The following HERC1 variants were observed in gnomAD, a reference collection of about 807,000 sequenced individuals.
HERC1 encodes the protein probable E3 ubiquitin-protein ligase HERC1.
A neutral mutation model predicts 554.3 loss-of-function variants in HERC1; 160 were observed. That is an observed-to-expected ratio of 0.29 (90% CI 0.25 to 0.33). The LOEUF is 0.33. HERC1 is among the 10% of genes least tolerant of loss of function. The pLI, the probability that HERC1 is intolerant of heterozygous loss-of-function variation, is 1.00. For synonymous variants in HERC1, 2,175 were observed against 2,131.7 expected, an observed-to-expected ratio of 1.02 and a Z score of -0.56; for missense variants, 4,919 against 5,918.5, an observed-to-expected ratio of 0.83 and a Z score of 5.54.
intron 1 of HERC1, among the ~76,000 whole-genome samples, chr15:63,791,108 C>T (rs571114875): frequency 6.6e-6 from 1 of 152,208 alleles, no homozygotes; most frequent in East Asian, 1.9e-4. Context: ...GTCCTTTCCT[C>T]GGACATACAG....
intron 59 of HERC1, among the ~76,000 whole-genome samples, chr15:63,642,553 G>A (rs971336878): frequency 5.3e-5 from 8 of 152,124 alleles, no homozygotes; most frequent in Admixed American, 3.3e-4. Context: ...GGCCAAGCTG[G>A]TCTTGAACTC....
At chr15:63,634,705 T>G in intron 66 of HERC1, 28 bp downstream of exon 66, 1 of 1,590,140 alleles carries the variant, frequency 6.3e-7, no homozygotes, top group Non-Finnish European at 8.6e-7. Context: ...AATGATCAGC[T>G]AGAATATCTT....
intron 24 of HERC1, among the ~76,000 whole-genome samples, chr15:63,710,668 T>C (rs2073246322): frequency 6.6e-6 from 1 of 152,074 alleles, no homozygotes; most frequent in African/African-American, 2.4e-5. Context: ...GAAGTGACTA[T>C]TTGGAAAAGA....
intron 40 of HERC1, 96 bp from the exon 41 acceptor site, chr15:63,666,568 G>T: frequency 1.3e-6 from 1 of 741,536 alleles, no homozygotes; most frequent in Non-Finnish European, 2.3e-6. Context: ...TATTGTCCAA[G>T]TTTAATGAAA....
At chr15:63,782,353 T>C (rs2076312753) in intron 1 of HERC1, among the ~76,000 whole-genome samples, 1 of 152,190 alleles carries the variant, frequency 6.6e-6, no homozygotes, top group Non-Finnish European at 1.5e-5. Flanking sequence ...CTAGGGCACC[T>C]AAGAATTATT....
At chr15:63,825,420 G>A (rs1047324935) in intron 1 of HERC1, among the ~76,000 whole-genome samples, 1 of 152,170 alleles carries the variant, frequency 6.6e-6, no homozygotes. Flanking sequence ...TATGTGAGAT[G>A]ATGGGTATCT....
intron 61 of HERC1, 121 bp from the exon 62 acceptor site, chr15:63,638,897 G>T (rs2068905686): frequency 4.2e-6 from 3 of 720,692 alleles, no homozygotes; most frequent in Admixed American, 4.5e-5. Flanking sequence ...GTAATATTAT[G>T]ATAAATTAAG....
In HERC1 at chr15:63,649,821, A is replaced by C. The variant is rs1279000437; in HGVS notation, c.10651T>G (p.Leu3551Val). The C allele has an allele frequency of 3.7e-6, 6 of 1,613,416 alleles. No homozygotes were observed. The highest frequency in any genetic ancestry group is 2.7e-5 in the African/African-American group (2 of 74,910). ...AWSGESPELL[L>V]VGRMDGSLGL... is the part of the protein sequence containing the mutation. ...AGAGATCCATCCATCCGTCCCACCA[A>C]CAACAATTCTGGAGACTCTCCTGAC... The change falls in exon 54 of 78, where the codon TTG becomes GTG. Residue 3551 changes from leucine to valine, a missense_variant. Leu to Val is a conservative substitution (Grantham distance 32). Around this residue, in one of 11 missense-constraint regions of HERC1, gnomAD observed 1,963 missense variants for 2,228.6 expected, o/e 0.88. Coordinates refer to ENST00000443617, the MANE Select transcript of HERC1 (RefSeq NM_003922.4).
rs2072178791 is a variant in HERC1 at position 63,692,752 on chromosome 15, A to G, written c.5675-186T>C. Among the ~76,000 whole-genome samples the G allele has an allele frequency of 6.6e-6, 1 of 152,236 alleles. No individual in the cohort carries two copies. Among genetic ancestry groups the G allele is most frequent in the Non-Finnish European group, 1.5e-5 (1 of 68,044 alleles). On this transcript the variant is annotated intron_variant, in intron 30 of 77. Transcript: ENST00000443617. The surrounding 1 kb of genome is among the most constrained non-coding windows in gnomAD (Gnocchi z 4.7). ...GTCAGAAAACAAAGCCTAAACTTGA[A>G]ACGCCTTTTACATCTCTGTACAATA...
At chr15:63,787,784 C>T (rs1201953230) in intron 1 of HERC1, among the ~76,000 whole-genome samples, 1 of 151,436 alleles carries the variant, frequency 6.6e-6, no homozygotes, top group Non-Finnish European at 1.5e-5. Context: ...GACAATATGG[C>T]AAAACCCCGA....
chr15:63,678,195 C>A lies in HERC1; in HGVS notation c.6720G>T (p.Arg2240Ser), dbSNP rs985133286. Residue 2240 changes from arginine (R) to serine (S), a missense_variant, in exon 37 of 78, where the codon AGG becomes AGT. Arg to Ser is a moderately radical substitution (Grantham distance 110, BLOSUM62 -1). Around this residue, in one of 11 missense-constraint regions of HERC1, gnomAD observed 1,963 missense variants for 2,228.6 expected, o/e 0.88. Coordinates refer to ENST00000443617, the MANE Select transcript of HERC1 (RefSeq NM_003922.4). The stretch of plus-strand genomic sequence containing the variant: ...TAATACATATCTTAATTTTGTGAAG[C>A]CTTTCCATCATTTTTTTGTTAATGC... ...TYCINKKMME[R>S]LHKIKICIKE... 3.1e-6 allele frequency: 5 copies of A among 1,613,776 alleles called. No individual in the cohort carries two copies. Among genetic ancestry groups the A allele is most frequent in the African/African-American group, 2.7e-5 (2 of 74,904 alleles).
chr15:63,703,125 A>AG (rs2072817101), intron 25 of HERC1, among the ~76,000 whole-genome samples: 1 of 151,890 alleles, frequency 6.6e-6, no homozygotes, highest in African/African-American at 2.4e-5. Flanking sequence ...AAAAAAAAAA[A>AG]AAAGAGTAAA....
At position 63,745,663 on chromosome 15, in the gene HERC1, T is replaced by G. The variant is rs567163753; in HGVS notation, c.2520+1255A>C. On this transcript the variant is annotated intron_variant, in intron 12 of 77. Coordinates refer to ENST00000443617, the MANE Select transcript of HERC1 (RefSeq NM_003922.4). Reference sequence around the variant, plus strand: ...TGGCACTGCCTATTCAGGACTGTTTTTTCTATCTCTTCAGTGCCTCTTTCA... The same window carrying G: ...TGGCACTGCCTATTCAGGACTGTTTGTTCTATCTCTTCAGTGCCTCTTTCA... Among the ~76,000 whole-genome samples, 16 of 152,340 alleles carry G rather than the reference T, an allele frequency of 1.1e-4. 1 individual carries two copies. The East Asian group carries it at 3.1e-3, about 29-fold the overall frequency.
chr15:63,786,013 T>C (rs1168834869), intron 1 of HERC1, among the ~76,000 whole-genome samples: 1 of 151,754 alleles, frequency 6.6e-6, no homozygotes, highest in Non-Finnish European at 1.5e-5. Flanking sequence ...ACCCAAGAGA[T>C]AATTCTTTAG....
chr15:63,735,985 C>T (rs1435147703), intron 12 of HERC1, among the ~76,000 whole-genome samples: 1 of 152,056 alleles, frequency 6.6e-6, no homozygotes, highest in South Asian at 2.1e-4. Context: ...ACTAAATGCA[C>T]ATATTCTGTT....
chr15:63,699,007 A>T lies in HERC1; in HGVS notation c.4637-11T>A, dbSNP rs1277496303. ...GACTGTGCATAGGACCTATATACAAACAGAATAAACATATATCAATGGCAA... is the reference window on the plus strand; with the variant it reads ...GACTGTGCATAGGACCTATATACAATCAGAATAAACATATATCAATGGCAA... On this transcript the variant is annotated splice_polypyrimidine_tract_variant and intron_variant, in intron 25 of 77. Coordinates refer to ENST00000443617, the MANE Select transcript of HERC1 (RefSeq NM_003922.4). 6.3e-7 allele frequency: 1 copy of T among 1,595,236 alleles called. No individual in the cohort carries two copies. The highest frequency in any genetic ancestry group is 1.7e-5 in the Admixed American group (1 of 58,848).
In HERC1 at chr15:63,727,712, C is replaced by T; in HGVS notation, c.3281G>A (p.Cys1094Tyr). Residue 1094 changes from cysteine to tyrosine, a missense_variant, in exon 17 of 78, where the codon TGC becomes TAC. Transcript: ENST00000443617. This position sits in a 1 kb window ranked among gnomAD's most constrained non-coding sequence, Gnocchi z 4.3. Reference sequence around the variant, plus strand: ...AGCAGCTGGCAGGAGTCTATTAAGGCAATCAAGAGGTGGCAACAAGTCGAG... The same window carrying T: ...AGCAGCTGGCAGGAGTCTATTAAGGTAATCAAGAGGTGGCAACAAGTCGAG... ...YLLDLLPPLD[C>Y]LNRLLPAADL... 1.9e-6 allele frequency: 3 copies of T among 1,613,760 alleles called. No individual in the cohort carries two copies. Among genetic ancestry groups the T allele is most frequent in the Non-Finnish European group, 2.5e-6 (3 of 1,179,820 alleles).
chr15:63,746,214 G>C (rs778248698), intron 12 of HERC1, among the ~76,000 whole-genome samples: 3 of 151,246 alleles, frequency 2.0e-5, no homozygotes, highest in Non-Finnish European at 4.4e-5. Flanking sequence ...CATGAGTTTT[G>C]GTATGTTAAG....
chr15:63,750,135 C>T (rs971427504), intron 8 of HERC1, among the ~76,000 whole-genome samples: 1 of 152,176 alleles, frequency 6.6e-6, no homozygotes, highest in Non-Finnish European at 1.5e-5. Flanking sequence ...AAAACTTCTC[C>T]TTTATGTGTT....
Sources: gnomAD v4.1 joint callset for allele counts (sites outside exome capture counted in the v4.1 genomes callset) on GRCh38, gnomAD v4.1.1 for gene constraint, gnomAD v4.1.1 regional missense constraint, Gnocchi (gnomAD v3.1) non-coding constraint, MANE v1.5 for transcripts, NCBI Gene and HGNC (gene_info 2026-07-23, HGNC 2026-07-21) for gene names.